The following ARID4A variants were observed in gnomAD, a reference collection of about 807,000 sequenced individuals.
ARID4A encodes the protein AT-rich interaction domain 4A.
A neutral mutation model predicts 148.6 loss-of-function variants in ARID4A; 39 were observed. That is an observed-to-expected ratio of 0.26 (90% confidence interval 0.20 to 0.34). ARID4A has a LOEUF of 0.34. Among genes scored for constraint, ARID4A ranks in the 10% least tolerant of loss-of-function variants. The probability of loss-of-function intolerance (pLI) is 1.00; values close to 1 mark genes in which losing one functional copy is unlikely to be tolerated. For missense variants in ARID4A, 1,265 were observed against 1,449.1 expected (o/e 0.87, Z 2.06); for synonymous variants, 475 against 481.2 (o/e 0.99, Z 0.17).
At chr14:58,318,296 A>C (rs2032607954) in intron 5 of ARID4A, among the ~76,000 whole-genome samples, 1 of 152,218 alleles carries the variant, frequency 6.6e-6, no homozygotes, top group Non-Finnish European at 1.5e-5. Context: ...TTCTGTAGTG[A>C]TAGAAATCAA....
At chr14:58,354,424 T>C (rs2034778122) in intron 17 of ARID4A, among the ~76,000 whole-genome samples, 1 of 152,176 alleles carries the variant, frequency 6.6e-6, no homozygotes, top group East Asian at 1.9e-4. Context: ...GGCTCTTGCA[T>C]GTAATCCCAG....
intron 5 of ARID4A, 95 bp downstream of exon 5, chr14:58,306,207 AT>A: frequency 4.4e-6 from 4 of 903,980 alleles, no homozygotes; most frequent in South Asian, 1.5e-5. Flanking sequence ...GTGGAGAAAT[AT>A]ATATTATTTC....
intron 23 of ARID4A, chr14:58,370,113 A>G (rs946031856): frequency 6.6e-6 from 1 of 152,350 alleles, no homozygotes; most frequent in Non-Finnish European, 1.5e-5. Context: ...GCAAATGGAA[A>G]GAGATCAGAC....
chr14:58,352,203 A>G (rs1316403780), intron 16 of ARID4A, among the ~76,000 whole-genome samples: 8 of 152,188 alleles, frequency 5.3e-5, no homozygotes. Flanking sequence ...GAGAGAATAA[A>G]TATTTGGAAA....
chr14:58,299,787 C>T lies in ARID4A; in HGVS notation c.-57-11C>T. 6.2e-7 allele frequency: 1 copy of T among 1,610,952 alleles called. No individual in the cohort carries two copies. The highest frequency in any genetic ancestry group is 8.5e-7 in the Non-Finnish European group (1 of 1,177,206). ...GATTATGTCTGTGCCTGTCTTTCCC[C>T]CTCCCCATAGTTCTAGCGACTGCGA... On this transcript the variant is annotated splice_polypyrimidine_tract_variant and intron_variant, in intron 1 of 23. Transcript: ENST00000355431.
chr14:58,298,954 C>A (rs1321639739), intron 1 of ARID4A, among the ~76,000 whole-genome samples: 2 of 152,196 alleles, frequency 1.3e-5, no homozygotes, highest in African/African-American at 4.8e-5. Context: ...GTGGGGCTGG[C>A]CGCGCCGCTA....
Position 58,344,768 on chromosome 14 carries a change from G to GT in ARID4A, c.979+2dup. The GT allele has an allele frequency of 6.2e-7, 1 of 1,605,434 alleles. No homozygotes were observed. Among genetic ancestry groups the GT allele is most frequent in the Non-Finnish European group, 8.5e-7 (1 of 1,173,458 alleles). On this transcript the variant is annotated splice_donor_variant, in intron 12 of 23. Transcript: ENST00000355431. LOFTEE classifies it high-confidence loss of function. Reference sequence around the variant, plus strand: ...CTTTATAAGTTTATGGAAGACAGAGGTATTTTCATGCTCATTATTTTAAAG... The same window carrying GT: ...CTTTATAAGTTTATGGAAGACAGAGGTTATTTTCATGCTCATTATTTTAAAG...
chr14:58,351,684 G>A (rs1407271249), intron 16 of ARID4A: 1 of 180,710 alleles, frequency 5.5e-6, no homozygotes. Context: ...AAGGTACAAT[G>A]TGGGAAAGCT....
chr14:58,372,567 C>G lies in ARID4A; in HGVS notation c.*578C>G, dbSNP rs964062500. 2 of 209,200 alleles carry G rather than the reference C, an allele frequency of 9.6e-6. No homozygotes were observed. Among genetic ancestry groups the G allele is most frequent in the Non-Finnish European group, 1.9e-5 (2 of 102,596 alleles). The allele number at this position is 209,200 out of a possible 1,614,324, so 13.0% of individuals were successfully genotyped here. A position where few individuals can be genotyped will look rare whatever the true frequency, so the allele number is the denominator to read the frequency against. On this transcript the variant is annotated 3_prime_UTR_variant, in exon 24 of 24. Transcript: ENST00000355431. ...AAATTGTGAAAGGAAGTGTAGTTGA[C>G]TGAAAACTACAGTTGTAATAAGTCT...
rs925075446 is a variant in ARID4A at position 58,359,282 on chromosome 14, T to G, written c.1938+66T>G. ...ATTATCCAAATTGTATTGTGTGTTT[T>G]TTAAGACTTTAAGAACAGTTTTAGG... On this transcript the variant is annotated intron_variant, in intron 18 of 23. Transcript: ENST00000355431. The G allele has an allele frequency of 1.3e-5, 18 of 1,437,216 alleles. No homozygotes were observed. In the Admixed American group the frequency reaches 3.5e-4, roughly 28 times the overall value. 89.0% of individuals were successfully genotyped at this position (1,437,216 alleles called of 1,614,324 possible). A position where few individuals can be genotyped will look rare whatever the true frequency, so the allele number is the denominator to read the frequency against.
Position 58,330,307 on chromosome 14 carries a change from T to C in ARID4A, c.906+138T>C. The C allele has an allele frequency of 4.8e-6, 6 of 1,262,512 alleles. No homozygotes were observed. In the South Asian group the frequency reaches 9.5e-5, roughly 20 times the overall value. 78.2% of individuals were successfully genotyped at this position (1,262,512 alleles called of 1,614,324 possible). ...TTCTAGCATTGCTTAATTTGGGTGT[T>C]GAGGAAGCATTTTGGCTCATAGCAT... is the stretch of plus-strand genomic sequence containing the variant. On this transcript the variant is annotated intron_variant, in intron 11 of 23. Coordinates refer to ENST00000355431, the MANE Select transcript of ARID4A (RefSeq NM_002892.4).
chr14:58,365,489 T>TTTGA, intron 20 of ARID4A, 29 bp from the exon 21 acceptor site: 2 of 985,682 alleles, frequency 2.0e-6, no homozygotes, highest in Non-Finnish European at 2.9e-6. Context: ...TTTTTTTTTT[T>TTTGA]CAACATTCTC....
chr14:58,322,034 G>A (rs1421633863), intron 7 of ARID4A, among the ~76,000 whole-genome samples: 2 of 151,654 alleles, frequency 1.3e-5, no homozygotes, highest in African/African-American at 4.8e-5. Flanking sequence ...GTAGTGGTGC[G>A]ATCTTGGCTC....
chr14:58,336,746 C>A (rs951138744), intron 11 of ARID4A, among the ~76,000 whole-genome samples: 21 of 151,994 alleles, frequency 1.4e-4, no homozygotes, highest in African/African-American at 5.1e-4. Context: ...GTCCTTACAA[C>A]AGTCTATGAA....
chr14:58,346,930 A>G lies in ARID4A; in HGVS notation c.1075-90A>G, dbSNP rs949088489. 294 of 84,316 alleles carry G rather than the reference A, an allele frequency of 3.5e-3. 1 individual carries two copies. Among genetic ancestry groups the G allele is most frequent in the Middle Eastern group, 7.4e-3 (2 of 272 alleles). The allele number at this position is 84,316 out of a possible 1,614,324, so 5.2% of individuals were successfully genotyped here. Reference sequence around the variant, plus strand: ...GCGACAGAGTGAGACCCTGTCTCAAAAAAAAAAAAAAAAAAAAAAAAAAAA... The same window carrying G: ...GCGACAGAGTGAGACCCTGTCTCAAGAAAAAAAAAAAAAAAAAAAAAAAAA... On this transcript the variant is annotated intron_variant, in intron 13 of 23. Transcript: ENST00000355431.
intron 5 of ARID4A, among the ~76,000 whole-genome samples, chr14:58,314,612 A>AAAGACGGGGTCTCG (rs1404443897): frequency 3.3e-5 from 5 of 151,492 alleles, no homozygotes; most frequent in Non-Finnish European, 7.4e-5. Context: ...TTTTTTTTGT[A>AAAGACGGGGTCTCG]AAGACGGGGT....
chr14:58,300,374 A>ATACTT (rs2031047799), intron 2 of ARID4A, among the ~76,000 whole-genome samples: 9 of 90,408 alleles, frequency 1.0e-4, no homozygotes, highest in Admixed American at 9.8e-4. Flanking sequence ...AACATATACT[A>ATACTT]AAAAGATACA....
intron 5 of ARID4A, among the ~76,000 whole-genome samples, chr14:58,314,875 T>C (rs918384980): frequency 6.6e-6 from 1 of 152,166 alleles, no homozygotes; most frequent in Non-Finnish European, 1.5e-5. Flanking sequence ...TCCCAGCACT[T>C]TGGAAGGCCA....
chr14:58,314,492 T>C (rs571821261), intron 5 of ARID4A, among the ~76,000 whole-genome samples: 2 of 152,292 alleles, frequency 1.3e-5, no homozygotes, highest in African/African-American at 4.8e-5. Flanking sequence ...CAGTGGCAAT[T>C]ATAGCTCCCT....
Sources: allele counts gnomAD v4.1 joint callset (sites outside exome capture counted in the v4.1 genomes callset), GRCh38; gene constraint gnomAD v4.1.1; transcripts MANE v1.5; gene names NCBI Gene and HGNC (gene_info 2026-07-23, HGNC 2026-07-21).